The following NPAT variants were observed in gnomAD, a reference collection of about 807,000 sequenced individuals.
NPAT encodes the protein protein NPAT.
In NPAT, 52 loss-of-function variants were observed where a neutral mutation model predicts 130.7. The observed-to-expected ratio is 0.40, with a 90% CI of 0.32 to 0.50. The LOEUF (loss-of-function observed/expected upper bound fraction) is 0.50, where lower values mean the gene tolerates loss of function less well. Ranked by LOEUF, NPAT falls within the 20% of genes least tolerant of loss-of-function variation. The probability of loss-of-function intolerance (pLI) is 0.68; values close to 1 mark genes in which losing one functional copy is unlikely to be tolerated. For synonymous variants in NPAT, 580 were observed against 584.8 expected, an observed-to-expected ratio of 0.99 and a Z score of 0.12; for missense variants, 1,687 against 1,662.6, an observed-to-expected ratio of 1.01 and a Z score of -0.26.
chr11:108,222,179 A>T (rs781371421), intron 1 of NPAT, among the ~76,000 whole-genome samples: 1 of 152,210 alleles, frequency 6.6e-6, no homozygotes, highest in Non-Finnish European at 1.5e-5. Flanking sequence ...TCCGTCCGTC[A>T]TGCAGACAAA....
chr11:108,192,412 C>T (rs1385897114), intron 3 of NPAT, among the ~76,000 whole-genome samples: 2 of 152,142 alleles, frequency 1.3e-5, no homozygotes, highest in Non-Finnish European at 2.9e-5. Flanking sequence ...AAATGGACAT[C>T]TGTAAAATCT....
At chr11:108,205,692 G>C (rs1394404174) in intron 1 of NPAT, among the ~76,000 whole-genome samples, 1 of 152,198 alleles carries the variant, frequency 6.6e-6, no homozygotes, top group South Asian at 2.1e-4. Context: ...ACTAAAGGGG[G>C]ACTCCTTCAG....
chr11:108,163,156 T>C (rs1305324534), intron 15 of NPAT, among the ~76,000 whole-genome samples: 4 of 152,034 alleles, frequency 2.6e-5, no homozygotes, highest in African/African-American at 9.7e-5. Context: ...CTTGGCTCAC[T>C]GCAACCTCCA....
intron 15 of NPAT, among the ~76,000 whole-genome samples, chr11:108,165,467 TATA>T (rs2077892855): frequency 1.9e-5 from 2 of 103,578 alleles, no homozygotes; most frequent in African/African-American, 8.9e-5. Context: ...TATATATATA[TATA>T]TATTTTTTTT....
At chr11:108,208,587 TTAA>T in intron 1 of NPAT, 1 of 265,252 alleles carries the variant, frequency 3.8e-6, no homozygotes, top group East Asian at 1.1e-4. Flanking sequence ...GACCCTGTCT[TTAA>T]AAAAAAAAAA....
chr11:108,171,060 T>A (rs988386491), intron 13 of NPAT: 7 of 150,768 alleles, frequency 4.6e-5, no homozygotes, highest in Admixed American at 2.6e-4. Flanking sequence ...GATAGGCATA[T>A]CAATCACTAA....
At chr11:108,208,855 T>C (rs1437285536) in intron 1 of NPAT, among the ~76,000 whole-genome samples, 1 of 152,192 alleles carries the variant, frequency 6.6e-6, no homozygotes, top group Non-Finnish European at 1.5e-5. Context: ...TAATACACAT[T>C]TTTCTCAAGT....
intron 1 of NPAT, among the ~76,000 whole-genome samples, chr11:108,205,405 A>G (rs1315378403): frequency 2.0e-5 from 3 of 152,046 alleles, no homozygotes; most frequent in Non-Finnish European, 4.4e-5. Flanking sequence ...GGATGACAGG[A>G]ACTCACAACT....
rs150587939 is a variant in NPAT at position 108,217,110 on chromosome 11, A to G, written c.37+5390T>C. On this transcript the variant is annotated intron_variant, in intron 1 of 17. Coordinates refer to ENST00000278612, the MANE Select transcript of NPAT (RefSeq NM_002519.3). ...TTTCTCCAGGTACACGTTTCTTCCC[A>G]AACTCCAAAGATGTGCACGTTGTTA... is the stretch of plus-strand genomic sequence containing the variant. 9.2e-3 allele frequency among the ~76,000 whole-genome samples: 1,408 copies of G among 152,266 alleles called. 22 individuals carry two copies. Among genetic ancestry groups the G allele is most frequent in the African/African-American group, 0.031 (1,307 of 41,554 alleles).
At chr11:108,202,518 C>T (rs2078283884) in intron 1 of NPAT, among the ~76,000 whole-genome samples, 1 of 152,160 alleles carries the variant, frequency 6.6e-6, no homozygotes. Context: ...ACTTCATCTA[C>T]CAGCTACCAG....
At chr11:108,185,117 G>T (rs1277519864) in intron 10 of NPAT, 115 bp downstream of exon 10, 6 of 755,710 alleles carry the variant, frequency 7.9e-6, no homozygotes, top group Non-Finnish European at 1.2e-5. Flanking sequence ...TATCTAATTA[G>T]ATGGCAAATC....
chr11:108,216,118 A>C (rs1195875318), intron 1 of NPAT, among the ~76,000 whole-genome samples: 1 of 152,210 alleles, frequency 6.6e-6, no homozygotes, highest in Non-Finnish European at 1.5e-5. Flanking sequence ...GAATCACCTT[A>C]AAATTAGGAC....
rs2077978249 is a variant in NPAT, at chr11:108,173,715, T to C, written c.1269A>G (p.Ile423Met). ...CAGCTGTTTTAAAGGCCTTTTTCTGTATGCTGGTACTTATTTGGGAAAAAT... is the reference window on the plus strand; with the variant it reads ...CAGCTGTTTTAAAGGCCTTTTTCTGCATGCTGGTACTTATTTGGGAAAAAT... ...QENFSQISTS[I>M]QKKAFKTAVP... The change falls in exon 13 of 18, where the codon ATA (isoleucine) becomes ATG (methionine). Residue 423 changes from isoleucine to methionine, a missense_variant. Ile to Met is a conservative substitution (Grantham distance 10, BLOSUM62 1). This residue lies in a region of NPAT where 1,379 missense variants were observed against 1,346.6 expected (regional missense o/e 1.02). Coordinates refer to ENST00000278612, the MANE Select transcript of NPAT (RefSeq NM_002519.3). 1 of 1,614,082 alleles carries C rather than the reference T, an allele frequency of 6.2e-7. No homozygotes were observed. Among genetic ancestry groups the C allele is most frequent in the Admixed American group, 1.7e-5 (1 of 60,004 alleles).
chr11:108,199,120 C>T (rs1019193282), intron 1 of NPAT, among the ~76,000 whole-genome samples: 2 of 152,320 alleles, frequency 1.3e-5, no homozygotes, highest in African/African-American at 2.4e-5. Context: ...GTTTGCCATG[C>T]TGTGGGCGGT....
At chr11:108,183,782 G>A (rs540908898) in intron 10 of NPAT, among the ~76,000 whole-genome samples, 61 of 152,120 alleles carry the variant, frequency 4.0e-4, no homozygotes, top group Non-Finnish European at 6.9e-4. Flanking sequence ...GTGACACAGC[G>A]AGACACCACC....
At chr11:108,195,175 G>A (rs572379007) in intron 2 of NPAT, among the ~76,000 whole-genome samples, 4 of 152,274 alleles carry the variant, frequency 2.6e-5, no homozygotes, top group African/African-American at 4.8e-5. Flanking sequence ...GTTTTTCTGT[G>A]AGAACAAGTT....
chr11:108,186,696 G>A (rs1189595147), intron 7 of NPAT, 127 bp from the exon 8 acceptor site: 12 of 805,562 alleles, frequency 1.5e-5, no homozygotes, highest in Non-Finnish European at 2.2e-5. Flanking sequence ...TGTATCTGCA[G>A]GGGGCTGGTT....
Position 108,222,519 on chromosome 11 carries a change from G to A in NPAT, c.18C>T (p.Asp6=). The A allele has an allele frequency of 1.2e-6, 2 of 1,613,896 alleles. No individual in the cohort carries two copies. The highest frequency in any genetic ancestry group is 1.7e-6 in the Non-Finnish European group (2 of 1,179,938). ...GCTTACCCAATACAAGCCGGGCTAC[G>A]TCCGAGGGTAACAACATGATCAAAA... is the stretch of plus-strand genomic sequence containing the variant. MLLPS[D]VARLVLGYLQ... Residue 6 remains aspartate, a synonymous_variant, in exon 1 of 18, where the codon GAC becomes GAT. Coordinates refer to ENST00000278612, the MANE Select transcript of NPAT (RefSeq NM_002519.3).
At position 108,190,505 on chromosome 11, in the gene NPAT, C is replaced by A; in HGVS notation, c.291-5G>T. On this transcript the variant is annotated splice_polypyrimidine_tract_variant and splice_region_variant and intron_variant, in intron 4 of 17. Coordinates refer to ENST00000278612, the MANE Select transcript of NPAT (RefSeq NM_002519.3). ...CTTGGGGAACTTTGCATGCTCCTAA[C>A]AAAGAAAACAAAGTAGTTATCCATC... 1 of 1,612,978 alleles carries A rather than the reference C, an allele frequency of 6.2e-7. No individual in the cohort carries two copies. Among genetic ancestry groups the A allele is most frequent in the Non-Finnish European group, 8.5e-7 (1 of 1,179,034 alleles).
Sources: gnomAD v4.1 joint callset for allele counts (sites outside exome capture counted in the v4.1 genomes callset) on GRCh38, gnomAD v4.1.1 for gene constraint, gnomAD v4.1.1 regional missense constraint, MANE v1.5 for transcripts, NCBI Gene and HGNC (gene_info 2026-07-23, HGNC 2026-07-21) for gene names.